Variants in USP10 observed in about 807,000 individuals in gnomAD.
USP10 encodes ubiquitin carboxyl-terminal hydrolase 10.
A neutral mutation model predicts 84.5 loss-of-function variants in USP10; 22 were observed. That is an observed-to-expected ratio of 0.26 (90% CI 0.19 to 0.37). USP10 has a LOEUF of 0.37. Ranked by LOEUF, USP10 falls within the 10% of genes least tolerant of loss-of-function variation. The pLI is 1.00. For missense variants in USP10, 1,019 were observed against 998.9 expected (o/e 1.02, Z -0.27); for synonymous variants, 454 against 387.6 (o/e 1.17, Z -2.01).
chr16:84,706,740 CG>C (rs1209622244), intron 1 of USP10, among the ~76,000 whole-genome samples: 2 of 151,748 alleles, frequency 1.3e-5, no homozygotes, highest in African/African-American at 2.4e-5. Context: ...CGGGGTTTCA[CG>C]GTGTTAGCCA....
chr16:84,714,782 G>C (rs1044153064), intron 1 of USP10, among the ~76,000 whole-genome samples: 14 of 151,794 alleles, frequency 9.2e-5, no homozygotes, highest in African/African-American at 3.4e-4. Flanking sequence ...TGAAGGGAGA[G>C]AGATATTTTG....
chr16:84,767,990 A>T (rs1202886845), intron 10 of USP10, among the ~76,000 whole-genome samples: 1 of 152,058 alleles, frequency 6.6e-6, no homozygotes, highest in African/African-American at 2.4e-5. Context: ...CTTAACGAGC[A>T]TGCTGCCTTC....
At chr16:84,705,626 T>G (rs1905386689) in intron 1 of USP10, among the ~76,000 whole-genome samples, 1 of 152,138 alleles carries the variant, frequency 6.6e-6, no homozygotes, top group South Asian at 2.1e-4. Context: ...GGTGCTAGAT[T>G]TTTGTTTTCC....
intron 1 of USP10, among the ~76,000 whole-genome samples, chr16:84,712,992 A>G (rs1032904667): frequency 6.6e-6 from 1 of 152,164 alleles, no homozygotes; most frequent in African/African-American, 2.4e-5. Flanking sequence ...CCAGTGATCT[A>G]TCTTCGCAGG....
chr16:84,704,858 CA>C (rs1442670856), intron 1 of USP10: 2 of 1,535,614 alleles, frequency 1.3e-6, no homozygotes, highest in Non-Finnish European at 1.7e-6. Flanking sequence ...TGGAATAGGG[CA>C]GGTAAGGTGT....
At chr16:84,713,554 G>C (rs1030471032) in intron 1 of USP10, among the ~76,000 whole-genome samples, 1 of 152,120 alleles carries the variant, frequency 6.6e-6, no homozygotes, top group African/African-American at 2.4e-5. Flanking sequence ...TGAGGGCAGG[G>C]GTTTTTGTTT....
At position 84,772,465 on chromosome 16, in the gene USP10, G is replaced by T. The variant is rs1914555989; in HGVS notation, c.1999-76G>T. On this transcript the variant is annotated intron_variant, in intron 11 of 13. Coordinates refer to ENST00000219473, the MANE Select transcript of USP10 (RefSeq NM_005153.3). ...GCCTCACCTCTCAGAGGACGTCTTT[G>T]AGCGGAAGGTGGATGTGGTGTTAGC... 5 of 1,592,478 alleles carry T rather than the reference G, an allele frequency of 3.1e-6. No homozygotes were observed. In the South Asian group the frequency reaches 5.6e-5, roughly 18 times the overall value.
At chr16:84,728,564 C>T (rs1403805309) in intron 1 of USP10, among the ~76,000 whole-genome samples, 1 of 152,106 alleles carries the variant, frequency 6.6e-6, no homozygotes, top group South Asian at 2.1e-4. Flanking sequence ...CTCCTGACCT[C>T]GTGATCCGCC....
At position 84,744,840 on chromosome 16, in the gene USP10, C is replaced by T; in HGVS notation, c.359C>T (p.Ser120Phe). The T allele has an allele frequency of 1.2e-6, 2 of 1,613,786 alleles. No homozygotes were observed. The highest frequency in any genetic ancestry group is 1.7e-6 in the Non-Finnish European group (2 of 1,179,724). ...YGSIDCQYPG[S>F]ALALDGSSNV... ...TCCATCGACTGCCAGTACCCAGGCT[C>T]TGCCCTCGCTTTGGATGGAAGTTCT... Residue 120 changes from serine to phenylalanine, a missense_variant, in exon 4 of 14, where the codon TCT becomes TTT. This residue lies in a region of USP10 where 787 missense variants were observed against 708.8 expected (regional missense o/e 1.11). Coordinates refer to ENST00000219473, the MANE Select transcript of USP10 (RefSeq NM_005153.3).
At chr16:84,735,238 G>GTGTGTGTGT (rs1909780303) in intron 2 of USP10, among the ~76,000 whole-genome samples, 1 of 134,644 alleles carries the variant, frequency 7.4e-6, no homozygotes, top group African/African-American at 2.7e-5. Flanking sequence ...TGTGTGTGTG[G>GTGTGTGTGT]TGTGTGTGTT....
chr16:84,738,142 C>G (rs1910175895), intron 2 of USP10, among the ~76,000 whole-genome samples: 1 of 152,066 alleles, frequency 6.6e-6, no homozygotes, highest in African/African-American at 2.4e-5. Context: ...AATTGTGCGT[C>G]TTCCCAGCCT....
chr16:84,774,337 C>T (rs144170379), intron 12 of USP10, among the ~76,000 whole-genome samples: 61 of 152,250 alleles, frequency 4.0e-4, no homozygotes, highest in African/African-American at 1.1e-3. Flanking sequence ...AGCATGCCTC[C>T]GACGGACTCT....
intron 13 of USP10, among the ~76,000 whole-genome samples, chr16:84,776,938 G>A (rs1313611231): frequency 6.6e-6 from 1 of 152,134 alleles, no homozygotes; most frequent in Non-Finnish European, 1.5e-5. Context: ...TCAGCCCCCC[G>A]AGTAGCTGGG....
intron 13 of USP10, among the ~76,000 whole-genome samples, chr16:84,775,901 T>G (rs1490820291): frequency 2.1e-5 from 3 of 146,258 alleles, no homozygotes; most frequent in Non-Finnish European, 4.6e-5. Context: ...TTTATGCCTC[T>G]GAGTCTTTAC....
chr16:84,760,498 C>G (rs942870808), intron 8 of USP10, among the ~76,000 whole-genome samples: 2 of 152,138 alleles, frequency 1.3e-5, no homozygotes, highest in Non-Finnish European at 2.9e-5. Context: ...ATTATGGTCT[C>G]CTTGTTACGG....
intron 11 of USP10, among the ~76,000 whole-genome samples, chr16:84,770,297 G>A (rs1416421771): frequency 2.0e-5 from 3 of 152,046 alleles, no homozygotes; most frequent in Non-Finnish European, 4.4e-5. Flanking sequence ...TCTATAAGGA[G>A]CAAATTACAT....
At chr16:84,741,066 G>C (rs550101310) in intron 3 of USP10, among the ~76,000 whole-genome samples, 1 of 152,324 alleles carries the variant, frequency 6.6e-6, no homozygotes, top group South Asian at 2.1e-4. Context: ...CTGGCCTCCA[G>C]GAAACTGATG....
intron 6 of USP10, 26 bp from the exon 7 acceptor site, chr16:84,759,865 A>ATT: frequency 6.2e-7 from 1 of 1,611,756 alleles, no homozygotes; most frequent in Non-Finnish European, 8.5e-7. Context: ...AAACTGCACT[A>ATT]TTTAACATTT....
At chr16:84,729,821 G>T (rs568207702) in intron 1 of USP10, among the ~76,000 whole-genome samples, 1 of 152,178 alleles carries the variant, frequency 6.6e-6, no homozygotes, top group African/African-American at 2.4e-5. Context: ...CAAAACAGCC[G>T]TGGCTAGTGA....
Sources: gnomAD v4.1 joint callset for allele counts (sites outside exome capture counted in the v4.1 genomes callset) on GRCh38, gnomAD v4.1.1 for gene constraint, gnomAD v4.1.1 regional missense constraint, MANE v1.5 for transcripts, NCBI Gene and HGNC (gene_info 2026-07-23, HGNC 2026-07-21) for gene names.